Variants in GFM2 observed in about 807,000 individuals in gnomAD.
The protein encoded by GFM2 is GTP dependent ribosome recycling factor mitochondrial 2.
Under a neutral mutation model 95.4 loss-of-function variants are expected in GFM2, and 72 were observed. The observed-to-expected ratio is 0.76, with a 90% CI of 0.62 to 0.92. The LOEUF (loss-of-function observed/expected upper bound fraction) is 0.92, where lower values mean the gene tolerates loss of function less well. GFM2 is among the 40% of genes least tolerant of loss of function. The pLI, the probability that GFM2 is intolerant of heterozygous loss-of-function variation, is 0.00. For missense variants in GFM2, 825 were observed against 924.1 expected, an observed-to-expected ratio of 0.89 and a Z score of 1.39; for synonymous variants, 276 against 317.5, an observed-to-expected ratio of 0.87 and a Z score of 1.39.
intron 10 of GFM2, among the ~76,000 whole-genome samples, chr5:74,742,054 TGCTGTAATCCC>T: frequency 6.6e-6 from 1 of 152,210 alleles, no homozygotes; most frequent in African/African-American, 2.4e-5. Flanking sequence ...GAATTAATGT[TGCTGTAATCCC>T]GCACTGAAGA....
In GFM2 at chr5:74,760,935, C is replaced by T. The variant is rs952200937; in HGVS notation, c.115G>A (p.Val39Met). ...GAACTGCAATTTCTTCCAAGCGGCA[C>T]ATGTGGCTTTAATCTTTTTAAACTT... ...RASLKRLKPH[V>M]PLGRNCSSLP... The change falls in exon 3 of 21, where the codon GTG becomes ATG. Residue 39 changes from valine to methionine, a missense_variant. Transcript: ENST00000296805. 1 of 1,611,120 alleles carries T rather than the reference C, an allele frequency of 6.2e-7. No homozygotes were observed. The highest frequency in any genetic ancestry group is 8.5e-7 in the Non-Finnish European group (1 of 1,177,646).
chr5:74,765,110 T>C (rs1744492724), intron 1 of GFM2: 14 of 1,255,872 alleles, frequency 1.1e-5, no homozygotes, highest in Non-Finnish European at 1.4e-5. Flanking sequence ...TTTTCATTGG[T>C]AACGCCAAAG....
chr5:74,767,069 C>T lies in GFM2; in HGVS notation c.-156G>A, dbSNP rs1047887045. ...CTAGGCAAAAGGCAATGTATCTAAA[C>T]GAAAAGAAAATAGGCTTTCTCCGCT... On this transcript the variant is annotated 5_prime_UTR_variant, in exon 1 of 21. Transcript: ENST00000296805. The T allele has an allele frequency of 2.4e-6, 1 of 424,254 alleles. No individual in the cohort carries two copies. Among genetic ancestry groups the T allele is most frequent in the African/African-American group, 2.0e-5 (1 of 49,618 alleles). 26.3% of individuals were successfully genotyped at this position (424,254 alleles called of 1,614,324 possible). A position where few individuals can be genotyped will look rare whatever the true frequency, so the allele number is the denominator to read the frequency against.
At chr5:74,729,271 C>T (rs971929787) in intron 17 of GFM2, among the ~76,000 whole-genome samples, 2 of 152,186 alleles carry the variant, frequency 1.3e-5, no homozygotes, top group African/African-American at 4.8e-5. Context: ...CCTTACCATA[C>T]AGCCAGACAA....
At chr5:74,737,331 A>T (rs920743684) in intron 14 of GFM2, among the ~76,000 whole-genome samples, 5 of 152,220 alleles carry the variant, frequency 3.3e-5, no homozygotes, top group African/African-American at 1.2e-4. Context: ...ACCACCCATA[A>T]GAATTTATTC....
chr5:74,727,940 A>G (rs541461093), intron 17 of GFM2, among the ~76,000 whole-genome samples: 234 of 152,318 alleles, frequency 1.5e-3, no homozygotes, highest in African/African-American at 5.4e-3. Flanking sequence ...GTAACAGATC[A>G]TGAGAACCTA....
At position 74,738,479 on chromosome 5, in the gene GFM2, AAAT is replaced by A; in HGVS notation, c.1220+20_1220+22del. 6.2e-7 allele frequency: 1 copy of A among 1,610,504 alleles called. No homozygotes were observed. On this transcript the variant is annotated intron_variant, in intron 13 of 20. Transcript: ENST00000296805. Reference sequence around the variant, plus strand: ...TTAAAGAAGTGCATACAGTTTTATAAAATAATCTAAGCTTCTACTTACGTGCAG... The same window carrying A: ...TTAAAGAAGTGCATACAGTTTTATAAAATCTAAGCTTCTACTTACGTGCAG...
intron 17 of GFM2, 61 bp from the exon 18 acceptor site, chr5:74,726,187 T>G: frequency 8.0e-7 from 1 of 1,250,984 alleles, no homozygotes; most frequent in Non-Finnish European, 1.1e-6. Flanking sequence ...CAAGGTACTA[T>G]AAACAGCAAA....
chr5:74,747,210 A>G (rs1314634025), intron 8 of GFM2, among the ~76,000 whole-genome samples: 1 of 152,198 alleles, frequency 6.6e-6, no homozygotes, highest in Admixed American at 6.5e-5. Context: ...CCCTACATGC[A>G]GGTCTTACAG....
chr5:74,731,777 C>T (rs1342693464), intron 16 of GFM2, among the ~76,000 whole-genome samples: 2 of 152,038 alleles, frequency 1.3e-5, no homozygotes, highest in East Asian at 1.9e-4. Context: ...CATAACAGCA[C>T]AGCAGAAGAA....
intron 15 of GFM2, among the ~76,000 whole-genome samples, chr5:74,734,718 G>A (rs1486942788): frequency 1.3e-5 from 2 of 152,170 alleles, no homozygotes; most frequent in African/African-American, 4.8e-5. Flanking sequence ...TGTTAGCATT[G>A]TAACAGGTAT....
chr5:74,751,268 CAT>C (rs111275417), intron 6 of GFM2, 98 bp downstream of exon 6: 126 of 1,192,494 alleles, frequency 1.1e-4, no homozygotes, highest in East Asian at 6.2e-4. Context: ...TTTTGCAACA[CAT>C]GTTTTTTTAC....
chr5:74,760,447 C>T (rs1458752559), intron 3 of GFM2, among the ~76,000 whole-genome samples: 2 of 152,188 alleles, frequency 1.3e-5, no homozygotes, highest in Non-Finnish European at 2.9e-5. Flanking sequence ...AGTAAGTCAA[C>T]TCCTCCACCT....
intron 5 of GFM2, among the ~76,000 whole-genome samples, chr5:74,757,412 G>A (rs1472664874): frequency 1.3e-5 from 2 of 152,068 alleles, no homozygotes; most frequent in Non-Finnish European, 2.9e-5. Flanking sequence ...TATAATTACT[G>A]TAAAGCTTGA....
chr5:74,724,821 A>C (rs565809788), intron 19 of GFM2, among the ~76,000 whole-genome samples: 6 of 152,310 alleles, frequency 3.9e-5, no homozygotes, highest in African/African-American at 1.4e-4. Context: ...CAATCACCTA[A>C]GAAATTAGGG....
intron 18 of GFM2, 76 bp from the exon 19 acceptor site, chr5:74,725,831 G>A (rs1750120811): frequency 7.0e-7 from 1 of 1,430,012 alleles, no homozygotes; most frequent in East Asian, 2.3e-5. Flanking sequence ...CAAAGGAATA[G>A]GGAGAAAACA....
At chr5:74,741,877 G>A (rs1743128536) in intron 10 of GFM2, 1 of 239,582 alleles carries the variant, frequency 4.2e-6, no homozygotes, top group Admixed American at 5.6e-5. Flanking sequence ...TGCTATCAGT[G>A]TGCTCAAAAG....
intron 16 of GFM2, among the ~76,000 whole-genome samples, chr5:74,732,704 A>T (rs1057165071): frequency 5.3e-5 from 8 of 152,160 alleles, no homozygotes; most frequent in Non-Finnish European, 5.9e-5. Flanking sequence ...TTAACGTAAA[A>T]GGCTCAAGGC....
chr5:74,728,974 G>A (rs1376582507), intron 17 of GFM2, among the ~76,000 whole-genome samples: 21 of 151,814 alleles, frequency 1.4e-4, no homozygotes, highest in South Asian at 1.0e-3. Flanking sequence ...GGCTGGTCTC[G>A]AACTCCAGAC....
Sources: allele counts gnomAD v4.1 joint callset (sites outside exome capture counted in the v4.1 genomes callset), GRCh38; gene constraint gnomAD v4.1.1; transcripts MANE v1.5; gene names NCBI Gene and HGNC (gene_info 2026-07-23, HGNC 2026-07-21).